The following GAD2 variants were observed in gnomAD, a reference collection of about 807,000 sequenced individuals.
The protein encoded by GAD2 is glutamate decarboxylase 2.
Under a neutral mutation model 80.1 loss-of-function variants are expected in GAD2, and 22 were observed. The ratio of observed to expected loss-of-function variants is 0.27; its 90% CI spans 0.20 to 0.39. The LOEUF is 0.39. Among genes scored for constraint, GAD2 ranks in the 10% least tolerant of loss-of-function variants. The pLI is 1.00. For synonymous variants in GAD2, 274 were observed against 256.9 expected (o/e 1.07, Z -0.64); for missense variants, 624 against 738.4 (o/e 0.85, Z 1.80).
At chr10:26,273,777 G>C in intron 11 of GAD2, 77 bp downstream of exon 11, 1 of 1,236,112 alleles carries the variant, frequency 8.1e-7, no homozygotes, top group Non-Finnish European at 1.2e-6. Flanking sequence ...TCAATTTCCA[G>C]GAACTTTTGG....
At chr10:26,278,358 G>A (rs898873760) in intron 11 of GAD2, among the ~76,000 whole-genome samples, 1 of 152,242 alleles carries the variant, frequency 6.6e-6, no homozygotes, top group Admixed American at 6.5e-5. Flanking sequence ...GAAATCCATA[G>A]CAAAAGCCAA....
chr10:26,282,119 T>G (rs564990391), intron 12 of GAD2, among the ~76,000 whole-genome samples: 1 of 129,778 alleles, frequency 7.7e-6, no homozygotes, highest in African/African-American at 3.8e-5. Flanking sequence ...ATTTTTGTGG[T>G]TTTAGTAGAG....
chr10:26,303,673 A>G lies in GAD2; in HGVS notation c.*2712A>G, dbSNP rs1834352857. 6.6e-6 allele frequency: 1 copy of G among 152,244 alleles called. No homozygotes were observed. The highest frequency in any genetic ancestry group is 6.5e-5 in the Admixed American group (1 of 15,286). 9.4% of individuals were successfully genotyped at this position (152,244 alleles called of 1,614,324 possible). A position where few individuals can be genotyped will look rare whatever the true frequency, so the allele number is the denominator to read the frequency against. On this transcript the variant is annotated 3_prime_UTR_variant, in exon 16 of 16. Transcript: ENST00000376261. ...AGCAATATTGTGTTTATCATTTAAA[A>G]TACTTGAACAAACAAGTGTGATATG...
intron 7 of GAD2, among the ~76,000 whole-genome samples, chr10:26,236,362 G>A (rs1302507636): frequency 2.7e-5 from 4 of 147,928 alleles, no homozygotes; most frequent in Non-Finnish European, 3.0e-5. Context: ...GTGCAATGAC[G>A]CAATCTCAGC....
chr10:26,235,414 G>A (rs1351955276), intron 7 of GAD2, among the ~76,000 whole-genome samples: 4 of 152,122 alleles, frequency 2.6e-5, no homozygotes, highest in Non-Finnish European at 5.9e-5. Context: ...CCCCACCAAA[G>A]CTACCCACTT....
intron 8 of GAD2, among the ~76,000 whole-genome samples, chr10:26,248,194 G>T (rs1035252941): frequency 1.3e-5 from 2 of 152,188 alleles, no homozygotes; most frequent in Non-Finnish European, 2.9e-5. Context: ...ATCAATACAT[G>T]GTGGTTACAC....
intron 8 of GAD2, among the ~76,000 whole-genome samples, chr10:26,248,445 T>A (rs572869727): frequency 5.3e-5 from 8 of 152,222 alleles, no homozygotes; most frequent in Non-Finnish European, 1.0e-4. Flanking sequence ...TCATCTGAGG[T>A]TTACGTACCA....
At chr10:26,263,927 G>GT (rs143133181) in intron 8 of GAD2, among the ~76,000 whole-genome samples, 1 of 152,118 alleles carries the variant, frequency 6.6e-6, no homozygotes, top group Non-Finnish European at 1.5e-5. Flanking sequence ...AACCTGAAAA[G>GT]TTTTTTTGTT....
intron 8 of GAD2, among the ~76,000 whole-genome samples, chr10:26,254,844 A>C (rs1400171512): frequency 6.6e-6 from 1 of 152,222 alleles, no homozygotes; most frequent in Non-Finnish European, 1.5e-5. Context: ...TGGAATGAAC[A>C]GGAAGTGTTG....
rs758432066 is a variant in GAD2 at position 26,269,206 on chromosome 10, T to G, written c.975+33T>G. ...TCTGCCGGGAGCTTTATCCAGCCCA[T>G]ATTTCTATTTCCATCCACCGGAGAA... On this transcript the variant is annotated intron_variant, in intron 9 of 15. Coordinates refer to ENST00000376261, the MANE Select transcript of GAD2 (RefSeq NM_001134366.2). The G allele has an allele frequency of 5.8e-6, 9 of 1,540,206 alleles. No homozygotes were observed. The African/African-American group carries it at 1.2e-4, about 21-fold the overall frequency.
chr10:26,293,127 C>T, intron 15 of GAD2, 136 bp downstream of exon 15: 1 of 630,772 alleles, frequency 1.6e-6, no homozygotes, highest in Non-Finnish European at 2.8e-6. Flanking sequence ...TGGACTCCTA[C>T]AGAGCCAGGA....
chr10:26,235,632 G>A (rs1388405345), intron 7 of GAD2, among the ~76,000 whole-genome samples: 1 of 152,214 alleles, frequency 6.6e-6, no homozygotes, highest in Admixed American at 6.5e-5. Flanking sequence ...AGAATTGAAA[G>A]TGATCTTAAA....
intron 5 of GAD2, 63 bp from the exon 6 acceptor site, chr10:26,224,476 G>T: frequency 1.1e-6 from 1 of 945,542 alleles, no homozygotes. Context: ...TGTAGCTATT[G>T]TAATGATTGT....
chr10:26,290,474 G>A (rs182325338), intron 13 of GAD2, among the ~76,000 whole-genome samples: 68 of 152,332 alleles, frequency 4.5e-4, no homozygotes, highest in Non-Finnish European at 9.4e-4. Flanking sequence ...TCCACGGAGT[G>A]GTTGAGCAGG....
intron 15 of GAD2, among the ~76,000 whole-genome samples, chr10:26,293,588 A>G (rs956319420): frequency 2.0e-5 from 3 of 152,230 alleles, no homozygotes; most frequent in Non-Finnish European, 4.4e-5. Flanking sequence ...AGCAACAAGG[A>G]CGTTGCTGAA....
At chr10:26,292,707 T>A in intron 14 of GAD2, 135 bp downstream of exon 14, 1 of 861,780 alleles carries the variant, frequency 1.2e-6, no homozygotes, top group African/African-American at 1.7e-5. Flanking sequence ...GGGTAGCTAT[T>A]CCAAGCTGGA....
At chr10:26,284,564 CTT>C (rs35046451) in intron 12 of GAD2, among the ~76,000 whole-genome samples, 2 of 93,158 alleles carry the variant, frequency 2.1e-5, no homozygotes, top group Admixed American at 1.4e-4. Flanking sequence ...GGCTGTTCAG[CTT>C]TTTTTTTTTT....
intron 10 of GAD2, among the ~76,000 whole-genome samples, chr10:26,271,424 G>C (rs1163756500): frequency 1.3e-5 from 2 of 152,224 alleles, no homozygotes; most frequent in Non-Finnish European, 2.9e-5. Context: ...TTTAAGTTTA[G>C]ATTAGTATTA....
chr10:26,262,868 C>G (rs1464273755), intron 8 of GAD2, among the ~76,000 whole-genome samples: 1 of 149,056 alleles, frequency 6.7e-6, no homozygotes, highest in African/African-American at 2.5e-5. Flanking sequence ...TTTTTCCTCT[C>G]TACAGATACA....
Sources: allele counts gnomAD v4.1 joint callset (sites outside exome capture counted in the v4.1 genomes callset), GRCh38; gene constraint gnomAD v4.1.1; transcripts MANE v1.5; gene names NCBI Gene and HGNC (gene_info 2026-07-23, HGNC 2026-07-21).